The following SLC2A13 variants were observed in gnomAD, a reference collection of about 807,000 sequenced individuals.
SLC2A13 encodes the protein solute carrier family 2 member 13.
A neutral mutation model predicts 64.4 loss-of-function variants in SLC2A13; 32 were observed. That is an observed-to-expected ratio of 0.50 (90% CI 0.37 to 0.67). The LOEUF (loss-of-function observed/expected upper bound fraction) is 0.67, where lower values mean the gene tolerates loss of function less well. SLC2A13 is among the 30% of genes least tolerant of loss of function. The pLI, the probability that SLC2A13 is intolerant of heterozygous loss-of-function variation, is 0.00. For synonymous variants in SLC2A13, 338 were observed against 327.1 expected (o/e 1.03, Z -0.36); for missense variants, 743 against 829.2 (o/e 0.90, Z 1.28).
rs1937699027 is a variant in SLC2A13 at position 40,065,857 on chromosome 12, G to A, written c.557-17647C>T. On this transcript the variant is annotated intron_variant, in intron 1 of 9. Coordinates refer to ENST00000280871, the MANE Select transcript of SLC2A13 (RefSeq NM_052885.4). ...TTATTTCAAAGTCTCACAAAAGCAC[G>A]TTGAAATAGTTATTGTTAGCCCCAT... Among the ~76,000 whole-genome samples the A allele has an allele frequency of 1.3e-5, 2 of 152,148 alleles. 1 individual carries two copies. The highest frequency in any genetic ancestry group is 4.1e-4 in the South Asian group (2 of 4,826).
chr12:39,769,994 T>C (rs1034799965), intron 7 of SLC2A13, among the ~76,000 whole-genome samples: 1 of 152,110 alleles, frequency 6.6e-6, no homozygotes, highest in African/African-American at 2.4e-5. Context: ...TACTCTGTGG[T>C]GCTTGACATT....
At chr12:40,002,933 C>CA (rs1591996823) in intron 3 of SLC2A13, among the ~76,000 whole-genome samples, 2 of 151,804 alleles carry the variant, frequency 1.3e-5, no homozygotes, top group Non-Finnish European at 2.9e-5. Flanking sequence ...TTTTGTTAGC[C>CA]AAAAAAAGCA....
intron 1 of SLC2A13, among the ~76,000 whole-genome samples, chr12:40,061,809 CAA>C (rs200751726): frequency 8.6e-5 from 10 of 116,340 alleles, no homozygotes; most frequent in African/African-American, 6.3e-5. Flanking sequence ...TTTGACAATC[CAA>C]AAAAAAAAAA....
At chr12:39,780,872 C>T (rs1293903869) in intron 7 of SLC2A13, among the ~76,000 whole-genome samples, 1 of 152,112 alleles carries the variant, frequency 6.6e-6, no homozygotes, top group Admixed American at 6.5e-5. Flanking sequence ...CTAGAAGCTG[C>T]TTAGAGTATG....
intron 7 of SLC2A13, among the ~76,000 whole-genome samples, chr12:39,774,649 A>G (rs1940709374): frequency 6.6e-6 from 1 of 151,846 alleles, no homozygotes; most frequent in African/African-American, 2.4e-5. Context: ...ACAAGATGAA[A>G]AACCTATTCT....
intron 2 of SLC2A13, among the ~76,000 whole-genome samples, chr12:40,034,231 A>G (rs1168997855): frequency 2.6e-5 from 4 of 152,172 alleles, no homozygotes; most frequent in Non-Finnish European, 4.4e-5. Flanking sequence ...AGGCACAGTA[A>G]AGGTTTTCAG....
At chr12:39,957,195 C>T (rs1439704264) in intron 3 of SLC2A13, among the ~76,000 whole-genome samples, 1 of 152,124 alleles carries the variant, frequency 6.6e-6, no homozygotes, top group Non-Finnish European at 1.5e-5. Flanking sequence ...AGTGTTGCTA[C>T]CCCCATCTTA....
chr12:40,091,559 A>C (rs1040783909), intron 1 of SLC2A13, among the ~76,000 whole-genome samples: 4 of 152,206 alleles, frequency 2.6e-5, no homozygotes, highest in South Asian at 2.1e-4. Context: ...TGATGCATTA[A>C]ATTCCCTTTC....
intron 3 of SLC2A13, among the ~76,000 whole-genome samples, chr12:39,999,226 A>C (rs1947284008): frequency 6.6e-6 from 1 of 152,156 alleles, no homozygotes; most frequent in African/African-American, 2.4e-5. Context: ...AAATCAGTGC[A>C]CCTTGAAAAA....
In SLC2A13 at chr12:40,038,430, CTAATGTAAA is replaced by C. The variant is rs142128914; in HGVS notation, c.716+9612_716+9620del. On this transcript the variant is annotated intron_variant, in intron 2 of 9. Transcript: ENST00000280871. ...GGATATGATGAATTCTGGAGACTGT[CTAATGTAAA>C]TGTGAAAAATAATTCATAAGGCCAG... Among the ~76,000 whole-genome samples the C allele has an allele frequency of 9.2e-5, 14 of 152,104 alleles. No homozygotes were observed. The East Asian group carries it at 1.7e-3, about 19-fold the overall frequency.
intron 7 of SLC2A13, among the ~76,000 whole-genome samples, chr12:39,811,774 A>G (rs1395017738): frequency 2.0e-5 from 3 of 152,134 alleles, no homozygotes; most frequent in Non-Finnish European, 4.4e-5. Context: ...AATATTAACA[A>G]AAGCACTCTA....
intron 7 of SLC2A13, among the ~76,000 whole-genome samples, chr12:39,793,040 A>G (rs1024347166): frequency 1.3e-5 from 2 of 152,170 alleles, no homozygotes; most frequent in African/African-American, 4.8e-5. Context: ...TCATAAAGAT[A>G]TAAAACTATA....
At chr12:39,820,651 T>C (rs567207807) in intron 7 of SLC2A13, among the ~76,000 whole-genome samples, 2 of 151,202 alleles carry the variant, frequency 1.3e-5, no homozygotes, top group South Asian at 2.1e-4. Context: ...ATTATTTGGA[T>C]ATCTAATGCT....
chr12:39,760,571 T>C (rs555075928), intron 9 of SLC2A13, among the ~76,000 whole-genome samples: 54 of 152,064 alleles, frequency 3.6e-4, no homozygotes, highest in Non-Finnish European at 5.7e-4. Flanking sequence ...CAGCATGTTG[T>C]TGAGACCCCT....
Position 40,105,758 on chromosome 12 carries a change from G to A in SLC2A13, c.51C>T (p.Ser17=). The A allele has an allele frequency of 6.7e-7, 1 of 1,490,676 alleles. No individual in the cohort carries two copies. The highest frequency in any genetic ancestry group is 8.9e-7 in the Non-Finnish European group (1 of 1,120,776). The allele number at this position is 1,490,676 out of a possible 1,614,324, so 92.3% of individuals were successfully genotyped here. A position where few individuals can be genotyped will look rare whatever the true frequency, so the allele number is the denominator to read the frequency against. ...TCCTGCGCCGCTCGCCCATCAGGCT[G>A]CTCAGGCTCCGCAGCGTGTACTCCA... ...ENVEYTLRSL[S]SLMGERRRKQ... is the part of the protein sequence containing the mutation. Residue 17 remains serine (S), a synonymous_variant, in exon 1 of 10, where the codon AGC becomes AGT. Coordinates refer to ENST00000280871, the MANE Select transcript of SLC2A13 (RefSeq NM_052885.4). This position sits in a 1 kb window ranked among gnomAD's most constrained non-coding sequence, Gnocchi z 4.2.
At chr12:39,973,773 A>T (rs1946712733) in intron 3 of SLC2A13, among the ~76,000 whole-genome samples, 1 of 152,242 alleles carries the variant, frequency 6.6e-6, no homozygotes, top group Non-Finnish European at 1.5e-5. Flanking sequence ...TACTGCTATC[A>T]GAGGTCAAGG....
rs2136237367 is a variant in SLC2A13 at position 40,048,201 on chromosome 12, G to A, written c.566C>T (p.Ser189Phe). Residue 189 changes from serine (S) to phenylalanine (F), a missense_variant, in exon 2 of 10, where the codon TCT becomes TTT. Coordinates refer to ENST00000280871, the MANE Select transcript of SLC2A13 (RefSeq NM_052885.4). ...CGCAATGTACACTGGCACTGTCATA[G>A]AAGCAATGCCTATAAAAACAATGAA... The part of the protein sequence containing the change: ...LVVGLGIGIA[S>F]MTVPVYIAEV... The A allele has an allele frequency of 6.3e-7, 1 of 1,594,974 alleles. No individual in the cohort carries two copies. Among genetic ancestry groups the A allele is most frequent in the East Asian group, 2.2e-5 (1 of 44,774 alleles).
chr12:40,032,571 C>T (rs1565598167), intron 2 of SLC2A13, among the ~76,000 whole-genome samples: 1 of 152,196 alleles, frequency 6.6e-6, no homozygotes, highest in Non-Finnish European at 1.5e-5. Context: ...GTTAAGCCTT[C>T]TCAATTCCAG....
At chr12:39,930,742 G>T (rs1417092049) in intron 4 of SLC2A13, among the ~76,000 whole-genome samples, 1 of 152,072 alleles carries the variant, frequency 6.6e-6, no homozygotes, top group Non-Finnish European at 1.5e-5. Context: ...ATAAAAACAT[G>T]AATACCCTTA....
Sources: gnomAD v4.1 joint callset for allele counts (sites outside exome capture counted in the v4.1 genomes callset) on GRCh38, gnomAD v4.1.1 for gene constraint, Gnocchi (gnomAD v3.1) non-coding constraint, MANE v1.5 for transcripts, NCBI Gene and HGNC (gene_info 2026-07-23, HGNC 2026-07-21) for gene names.